Variants in IL17RB observed in about 807,000 individuals in gnomAD.
The protein encoded by IL17RB is interleukin 17 receptor B.
In IL17RB, 36 loss-of-function variants were observed where a neutral mutation model predicts 43.9. That is an observed-to-expected ratio of 0.82 (90% CI 0.63 to 1.08). The LOEUF is 1.08. Ranked by LOEUF, IL17RB falls within the 50% of genes least tolerant of loss-of-function variation. The pLI, the probability that IL17RB is intolerant of heterozygous loss-of-function variation, is 0.00. For synonymous variants in IL17RB, 225 were observed against 225.4 expected (o/e 1.00, Z 0.02); for missense variants, 613 against 613.6 (o/e 1.00, Z 0.01).
At position 53,859,682 on chromosome 3, in the gene IL17RB, G is replaced by A. The variant is rs74963444; in HGVS notation, c.848-448G>A. On this transcript the variant is annotated intron_variant, in intron 9 of 10. Coordinates refer to ENST00000288167, the MANE Select transcript of IL17RB (RefSeq NM_018725.4). The stretch of plus-strand genomic sequence containing the variant: ...AAACCCTAGTTCCTACTGTGAAAAT[G>A]CCGGTGCATATCAGGACAAAGAAGC... The A allele has an allele frequency of 3.9e-3, 607 of 154,004 alleles. 6 individuals are homozygous for A. The East Asian group carries it at 0.045, about 11-fold the overall frequency. The allele number at this position is 154,004 out of a possible 1,614,324, so 9.5% of individuals were successfully genotyped here. A position where few individuals can be genotyped will look rare whatever the true frequency, so the allele number is the denominator to read the frequency against.
At chr3:53,846,984 G>A (rs1698932729) in intron 1 of IL17RB, among the ~76,000 whole-genome samples, 1 of 152,226 alleles carries the variant, frequency 6.6e-6, no homozygotes, top group Non-Finnish European at 1.5e-5. Flanking sequence ...AATTAGCGGC[G>A]AAGGGCCTGG....
rs761364141 is a variant in IL17RB at position 53,858,958 on chromosome 3, G to A, written c.847+140G>A. ...TGTGTACACTGAACTGGGGTGCAGA[G>A]AAAGCCAACAGTGCTGTCCCAGAGA... On this transcript the variant is annotated intron_variant, in intron 9 of 10. Coordinates refer to ENST00000288167, the MANE Select transcript of IL17RB (RefSeq NM_018725.4). 1.1e-4 allele frequency: 64 copies of A among 607,230 alleles called. 1 individual carries two copies. The highest frequency in any genetic ancestry group is 6.3e-5 in the Non-Finnish European group (22 of 346,744). 37.6% of individuals were successfully genotyped at this position (607,230 alleles called of 1,614,324 possible).
intron 10 of IL17RB, chr3:53,860,440 T>G (rs1031445459): frequency 9.9e-6 from 4 of 403,506 alleles, no homozygotes; most frequent in Non-Finnish European, 1.8e-5. Context: ...CTTCCAGATC[T>G]TCTGACTGTC....
chr3:53,850,819 A>G (rs1459281147), intron 3 of IL17RB, among the ~76,000 whole-genome samples: 2 of 152,108 alleles, frequency 1.3e-5, no homozygotes, highest in Non-Finnish European at 2.9e-5. Flanking sequence ...ATAAAATAAA[A>G]TAAAATAAAA....
chr3:53,850,001 G>GGAATCACC (rs1699077265), intron 3 of IL17RB, among the ~76,000 whole-genome samples: 1 of 152,170 alleles, frequency 6.6e-6, no homozygotes, highest in Non-Finnish European at 1.5e-5. Context: ...ACAGTAGAAA[G>GGAATCACC]GAATCACCAG....
intron 3 of IL17RB, 83 bp downstream of exon 3, chr3:53,849,878 T>C (rs1203421804): frequency 1.5e-6 from 2 of 1,359,988 alleles, no homozygotes; most frequent in Admixed American, 4.7e-5. Context: ...TTAATTCCCC[T>C]TCTACGCATA....
At chr3:53,861,080 A>G (rs970955220) in intron 10 of IL17RB, 3 of 152,298 alleles carry the variant, frequency 2.0e-5, no homozygotes, top group African/African-American at 7.2e-5. Flanking sequence ...TATCGACTTA[A>G]AACACCCTGT....
rs754045641 is a variant in IL17RB, at chr3:53,856,906, T to G, written c.592T>G (p.Phe198Val). 2 of 1,614,074 alleles carry G rather than the reference T, an allele frequency of 1.2e-6. No homozygotes were observed. Among genetic ancestry groups the G allele is most frequent in the Admixed American group, 3.3e-5 (2 of 60,026 alleles). The change falls in exon 7 of 11, where the codon TTC becomes GTC. Residue 198 changes from phenylalanine to valine, a missense_variant. Phe to Val is a conservative substitution (Grantham distance 50). Transcript: ENST00000288167. ...KKNEETVEVNFTTTPLGNRYM... is the reference protein window; with the variant it reads ...KKNEETVEVNVTTTPLGNRYM... ...GAATGAGGAGACAGTAGAAGTGAAC[T>G]TCACAACCACTCCCCTGGGAAACAG...
At chr3:53,847,507 A>G (rs1698963326) in intron 1 of IL17RB, among the ~76,000 whole-genome samples, 2 of 148,474 alleles carry the variant, frequency 1.3e-5, no homozygotes, top group Non-Finnish European at 3.0e-5. Context: ...AAAAAAGTCA[A>G]GTCTGGCCGG....
At chr3:53,848,846 A>G (rs1423418700) in intron 2 of IL17RB, among the ~76,000 whole-genome samples, 158 bp downstream of exon 2, 1 of 152,234 alleles carries the variant, frequency 6.6e-6, no homozygotes, top group Admixed American at 6.5e-5. Flanking sequence ...TGCTCGAAGC[A>G]GAACTCTGGG....
In IL17RB at chr3:53,855,438, G is replaced by A. The variant is rs372437986; in HGVS notation, c.529+97G>A. ...CTTTGCACAGAAGAACTGAGCCCTA[G>A]GGGAGAGTTGAATATCCAAGCACCC... On this transcript the variant is annotated intron_variant, in intron 6 of 10. Coordinates refer to ENST00000288167, the MANE Select transcript of IL17RB (RefSeq NM_018725.4). The A allele has an allele frequency of 2.4e-4, 202 of 832,096 alleles. No individual in the cohort carries two copies. The African/African-American group carries it at 3.3e-3, about 13-fold the overall frequency. The allele number at this position is 832,096 out of a possible 1,614,324, so 51.5% of individuals were successfully genotyped here. A position where few individuals can be genotyped will look rare whatever the true frequency, so the allele number is the denominator to read the frequency against.
intron 1 of IL17RB, among the ~76,000 whole-genome samples, chr3:53,847,515 C>T (rs529045093): frequency 6.7e-6 from 1 of 150,252 alleles, no homozygotes; most frequent in East Asian, 2.0e-4. Context: ...CAAGTCTGGC[C>T]GGGCTCGGTG....
chr3:53,864,930 T>C lies in IL17RB; in HGVS notation c.1131T>C (p.Gly377=), dbSNP rs1352653313. 2 of 1,614,108 alleles carry C rather than the reference T, an allele frequency of 1.2e-6. No individual in the cohort carries two copies. The highest frequency in any genetic ancestry group is 2.2e-5 in the East Asian group (1 of 44,888). ...KWQKKKIAEM[G]PVQWLATQKK... is the part of the protein sequence containing the mutation. ...AGAAAAAGAAAATAGCAGAGATGGGTCCAGTGCAGTGGCTTGCCACTCAAA... is the reference window on the plus strand; with the variant it reads ...AGAAAAAGAAAATAGCAGAGATGGGCCCAGTGCAGTGGCTTGCCACTCAAA... Residue 377 remains glycine, a synonymous_variant, in exon 11 of 11, where the codon GGT becomes GGC. Coordinates refer to ENST00000288167, the MANE Select transcript of IL17RB (RefSeq NM_018725.4).
Position 53,857,602 on chromosome 3 carries a change from C to T in IL17RB, c.673-14C>T. On this transcript the variant is annotated splice_polypyrimidine_tract_variant and intron_variant, in intron 7 of 10. Transcript: ENST00000288167. ...ACCTGGCACCTCATAATTCTTGACT[C>T]TCTCTCTCTTAAGCCACACCAGAAG... is the stretch of plus-strand genomic sequence containing the variant. 6.2e-7 allele frequency: 1 copy of T among 1,613,234 alleles called. No homozygotes were observed. Among genetic ancestry groups the T allele is most frequent in the Non-Finnish European group, 8.5e-7 (1 of 1,179,336 alleles).
Position 53,846,624 on chromosome 3 carries a change from C to A in IL17RB, c.36C>A (p.Cys12Ter). 1 of 1,593,384 alleles carries A rather than the reference C, an allele frequency of 6.3e-7. No homozygotes were observed. The highest frequency in any genetic ancestry group is 8.5e-7 in the Non-Finnish European group (1 of 1,173,118). Residue 12 changes from cysteine (C) to a stop codon, truncating the protein, a stop_gained, in exon 1 of 11, where the codon TGC (cysteine) becomes TGA (stop). Coordinates refer to ENST00000288167, the MANE Select transcript of IL17RB (RefSeq NM_018725.4). LOFTEE classifies it high-confidence loss of function. ...SLVLLSLAAL[C>*]RSAVPREPTV... Reference sequence around the variant, plus strand: ...TGCTGCTAAGCCTGGCCGCGCTGTGCAGGAGCGCCGTACCCCGAGAGCCGG... The same window carrying A: ...TGCTGCTAAGCCTGGCCGCGCTGTGAAGGAGCGCCGTACCCCGAGAGCCGG...
Position 53,860,300 on chromosome 3 carries a change from C to G in IL17RB, c.946+72C>G, listed in dbSNP as rs567310897. On this transcript the variant is annotated intron_variant, in intron 10 of 10. Transcript: ENST00000288167. ...TTTGAATTTTTTTTTAAAGAAGATT[C>G]CTCTGGAGGCAATCACATGTTGGCG... 162 of 1,224,950 alleles carry G rather than the reference C, an allele frequency of 1.3e-4. No homozygotes were observed. The African/African-American group carries it at 2.2e-3, about 17-fold the overall frequency. The allele number at this position is 1,224,950 out of a possible 1,614,324, so 75.9% of individuals were successfully genotyped here.
chr3:53,846,953 A>G (rs537583705), intron 1 of IL17RB, among the ~76,000 whole-genome samples: 1 of 152,206 alleles, frequency 6.6e-6, no homozygotes, highest in African/African-American at 2.4e-5. Context: ...GGGTCTCTTA[A>G]GGTATAACGA....
chr3:53,857,707 T>C lies in IL17RB; in HGVS notation c.747+17T>C, dbSNP rs1021217921. The C allele has an allele frequency of 6.9e-6, 11 of 1,605,434 alleles. No homozygotes were observed. Among genetic ancestry groups the C allele is most frequent in the African/African-American group, 6.7e-5 (5 of 74,748 alleles). On this transcript the variant is annotated intron_variant, in intron 8 of 10. Transcript: ENST00000288167. ...ACGGTGCAGGTAAAGTTCAGTGAGC[T>C]GCTCTGGGGAGGGAAGGGACATAGA... is the stretch of plus-strand genomic sequence containing the variant.
chr3:53,853,832 G>A (rs1352437621), intron 5 of IL17RB, among the ~76,000 whole-genome samples: 1 of 152,176 alleles, frequency 6.6e-6, no homozygotes, highest in African/African-American at 2.4e-5. Flanking sequence ...TTCTTGATGA[G>A]AGCAAACCTC....
Sources: gnomAD v4.1 joint callset for allele counts (sites outside exome capture counted in the v4.1 genomes callset) on GRCh38, gnomAD v4.1.1 for gene constraint, MANE v1.5 for transcripts, NCBI Gene and HGNC (gene_info 2026-07-23, HGNC 2026-07-21) for gene names.